Variants in ARHGEF4 observed in about 807,000 individuals in gnomAD.
ARHGEF4 encodes the protein APC-stimulated guanine nucleotide exchange factor 1.
A neutral mutation model predicts 162.0 loss-of-function variants in ARHGEF4; 119 were observed. The ratio of observed to expected loss-of-function variants is 0.73; its 90% CI spans 0.63 to 0.86. The LOEUF (loss-of-function observed/expected upper bound fraction) is 0.86. Among genes scored for constraint, ARHGEF4 ranks in the 40% least tolerant of loss-of-function variants. The pLI is 0.00. For synonymous variants in ARHGEF4, 1,014 were observed against 979.9 expected, an observed-to-expected ratio of 1.03 and a Z score of -0.65; for missense variants, 2,488 against 2,456.0, an observed-to-expected ratio of 1.01 and a Z score of -0.28.
At position 130,916,259 on chromosome 2, in the gene ARHGEF4, C is replaced by T. The variant is rs1263586785; in HGVS notation, c.2313C>T (p.Ala771=). 2.0e-6 allele frequency: 3 copies of T among 1,526,494 alleles called. No homozygotes were observed. The highest frequency in any genetic ancestry group is 2.5e-5 in the South Asian group (2 of 80,794). The allele number at this position is 1,526,494 out of a possible 1,614,324, so 94.6% of individuals were successfully genotyped here. A position where few individuals can be genotyped will look rare whatever the true frequency, so the allele number is the denominator to read the frequency against. Residue 771 remains alanine (A), a synonymous_variant, in exon 2 of 14, where the codon GCC becomes GCT. Coordinates refer to ENST00000409359, the MANE Select transcript of ARHGEF4 (RefSeq NM_001367493.1). ...GGGGCCAGCGCCCCCGCGTCCCCGC[C>T]TTGGAGCCGCCCCAGCCGCCACGCG... ...AARGQRPRVP[A]LEPPQPPRGL...
At chr2:130,885,590 G>A (rs1261319024) in intron 1 of ARHGEF4, among the ~76,000 whole-genome samples, 2 of 84,884 alleles carry the variant, frequency 2.4e-5, no homozygotes, top group East Asian at 3.6e-4. Context: ...TTTTTTTTTA[G>A]ATGGAGTCTC....
intron 1 of ARHGEF4, among the ~76,000 whole-genome samples, chr2:130,884,302 G>GCACACA (rs146732158): frequency 6.6e-6 from 1 of 150,564 alleles, no homozygotes; most frequent in African/African-American, 2.4e-5. Flanking sequence ...ATAGGCACGT[G>GCACACA]CACACACACA....
At chr2:130,936,905 C>CTTTTTTTTTTTTTTTTTTTTTT (rs36086542) in intron 3 of ARHGEF4, among the ~76,000 whole-genome samples, 4 of 82,340 alleles carry the variant, frequency 4.9e-5, no homozygotes, top group Admixed American at 1.5e-4. Context: ...TTTCTTTTTT[C>CTTTTTTTTTTTTTTTTTTTTTT]TTTTTTTTTT....
chr2:130,907,443 T>G (rs1680896484), intron 1 of ARHGEF4, among the ~76,000 whole-genome samples: 1 of 151,478 alleles, frequency 6.6e-6, no homozygotes, highest in Admixed American at 6.6e-5. Context: ...GGTCTCGATC[T>G]CCTGACCTCG....
intron 4 of ARHGEF4, among the ~76,000 whole-genome samples, chr2:130,955,438 C>T (rs942101749): frequency 1.3e-5 from 2 of 152,086 alleles, no homozygotes; most frequent in African/African-American, 4.8e-5. Context: ...TTATTATTTG[C>T]TTATTTATTA....
At chr2:130,852,534 TG>T (rs1207576042) in intron 1 of ARHGEF4, among the ~76,000 whole-genome samples, 1 of 29,418 alleles carries the variant, frequency 3.4e-5, no homozygotes, top group Non-Finnish European at 7.1e-5. Context: ...CTGGTGGGGG[TG>T]GGGGGGACTG....
chr2:130,936,930 G>A (rs1413993168), intron 3 of ARHGEF4, among the ~76,000 whole-genome samples: 1 of 98,426 alleles, frequency 1.0e-5, no homozygotes, highest in East Asian at 3.1e-4. Context: ...TTTTTGAGAT[G>A]GAGTTTCACT....
At chr2:130,926,078 G>GCTTTCTTTC (rs1682268293) in intron 2 of ARHGEF4, among the ~76,000 whole-genome samples, 1 of 135,836 alleles carries the variant, frequency 7.4e-6, no homozygotes, top group Non-Finnish European at 1.5e-5. Flanking sequence ...TTCTTTCTTT[G>GCTTTCTTTC]GTCTGTTTTC....
chr2:130,996,664 G>A (rs1687412875), intron 4 of ARHGEF4, among the ~76,000 whole-genome samples: 1 of 152,178 alleles, frequency 6.6e-6, no homozygotes, highest in Non-Finnish European at 1.5e-5. Flanking sequence ...GCCTATCCAG[G>A]AAGAGACTGC....
chr2:130,917,310 A>C lies in ARHGEF4; in HGVS notation c.3364A>C (p.Ser1122Arg), dbSNP rs763979019. 1 of 1,550,538 alleles carries C rather than the reference A, an allele frequency of 6.4e-7. No homozygotes were observed. Among genetic ancestry groups the C allele is most frequent in the South Asian group, 1.2e-5 (1 of 84,066 alleles). ...GSAISMVSLG[S>R]YSYVDSSSGD... Reference sequence around the variant, plus strand: ...CGCCATCTCCATGGTTTCTCTTGGAAGCTACAGCTACGTGGACAGCAGTTC... The same window carrying C: ...CGCCATCTCCATGGTTTCTCTTGGACGCTACAGCTACGTGGACAGCAGTTC... The change falls in exon 2 of 14, where the codon AGC becomes CGC. Residue 1122 changes from serine (S) to arginine (R), a missense_variant. Physicochemically the swap from Ser to Arg is moderately radical, Grantham distance 110. Around this residue, in one of 6 missense-constraint regions of ARHGEF4, gnomAD observed 1,642 missense variants for 1,481.5 expected, o/e 1.11. Transcript: ENST00000409359.
chr2:130,849,471 C>T (rs932494769), intron 1 of ARHGEF4, among the ~76,000 whole-genome samples: 1 of 151,988 alleles, frequency 6.6e-6, no homozygotes, highest in Non-Finnish European at 1.5e-5. Context: ...ACAGGCTGTC[C>T]CAGGCTGCCT....
chr2:130,917,842 A>C (rs1379608774), intron 2 of ARHGEF4, among the ~76,000 whole-genome samples: 1 of 60,770 alleles, frequency 1.6e-5, no homozygotes, highest in South Asian at 5.1e-4. Flanking sequence ...TTTTTTTTTG[A>C]GACGGAGTCT....
At chr2:130,927,365 G>A (rs1432044724) in intron 2 of ARHGEF4, among the ~76,000 whole-genome samples, 2 of 152,098 alleles carry the variant, frequency 1.3e-5, no homozygotes, top group African/African-American at 4.8e-5. Context: ...CATGGTGGAG[G>A]GCCTCACTAA....
chr2:130,990,483 GAAC>G (rs1558815938), intron 4 of ARHGEF4, among the ~76,000 whole-genome samples: 52 of 152,230 alleles, frequency 3.4e-4, no homozygotes, highest in Admixed American at 2.9e-3. Flanking sequence ...CACTGGGAAA[GAAC>G]TTCCCAGTTC....
At chr2:130,879,506 A>G (rs1479233647) in intron 1 of ARHGEF4, among the ~76,000 whole-genome samples, 1 of 152,206 alleles carries the variant, frequency 6.6e-6, no homozygotes, top group Admixed American at 6.5e-5. Context: ...TATTAACTAT[A>G]GTCACCATGG....
At chr2:130,940,299 G>A (rs1463406288) in intron 3 of ARHGEF4, among the ~76,000 whole-genome samples, 3 of 152,042 alleles carry the variant, frequency 2.0e-5, no homozygotes, top group Non-Finnish European at 4.4e-5. Flanking sequence ...TGCATAAAAG[G>A]AGACACTTTC....
chr2:131,029,067 A>C (rs1243882896), intron 5 of ARHGEF4, among the ~76,000 whole-genome samples: 11 of 152,210 alleles, frequency 7.2e-5, no homozygotes, highest in Admixed American at 3.9e-4. Flanking sequence ...GATGATTTAA[A>C]ACAGTCATTA....
chr2:130,991,529 G>C (rs6759279), intron 4 of ARHGEF4, among the ~76,000 whole-genome samples: 110,029 of 152,166 alleles, frequency 0.72, 40,778 homozygotes, highest in East Asian at 0.88. Flanking sequence ...TGGCGGGCCC[G>C]GCACTCGGAG....
chr2:130,885,180 T>C (rs986027588), intron 1 of ARHGEF4, among the ~76,000 whole-genome samples: 1 of 152,094 alleles, frequency 6.6e-6, no homozygotes, highest in Non-Finnish European at 1.5e-5. Context: ...ATATGTCAGA[T>C]GTTTGAAGGC....
Sources: gnomAD v4.1 joint callset for allele counts (sites outside exome capture counted in the v4.1 genomes callset) on GRCh38, gnomAD v4.1.1 for gene constraint, gnomAD v4.1.1 regional missense constraint, MANE v1.5 for transcripts, NCBI Gene and HGNC (gene_info 2026-07-23, HGNC 2026-07-21) for gene names.